The following TASP1 variants were observed in gnomAD, a reference collection of about 807,000 sequenced individuals.
TASP1 encodes the protein taspase 1, also known as threonine aspartase 1.
TASP1 carries 16 observed loss-of-function variants against 56.6 expected under a neutral mutation model. The observed-to-expected ratio is 0.28, with a 90% CI of 0.19 to 0.43. TASP1 has a LOEUF of 0.43. TASP1 is among the 20% of genes least tolerant of loss of function. The pLI is 1.00. For missense variants in TASP1, 393 were observed against 511.6 expected (o/e 0.77, Z 2.24); for synonymous variants, 179 against 184.2 (o/e 0.97, Z 0.23).
chr20:13,299,368 A>T, the TASP1 span: 1 of 1,613,840 alleles, frequency 6.2e-7, no homozygotes. The surrounding 1 kb of genome is among the most constrained non-coding windows in gnomAD (Gnocchi z 5.8). Flanking sequence ...AGGTATAACG[A>T]GGCCCGGCCT....
At chr20:13,519,920 A>G (rs1417284636) in intron 10 of TASP1, among the ~76,000 whole-genome samples, 2 of 152,228 alleles carry the variant, frequency 1.3e-5, no homozygotes, top group African/African-American at 4.8e-5. Context: ...CAACTTCAGC[A>G]AAGTCTCAGG....
At chr20:13,432,541 T>A (rs923681339) in intron 12 of TASP1, among the ~76,000 whole-genome samples, 2 of 152,234 alleles carry the variant, frequency 1.3e-5, no homozygotes, top group African/African-American at 4.8e-5. Flanking sequence ...AAAGTTCACA[T>A]AATTGGTAGC....
chr20:13,572,685 C>A (rs1270702910), intron 6 of TASP1, among the ~76,000 whole-genome samples: 753 of 83,604 alleles, frequency 9.0e-3, no homozygotes, highest in South Asian at 0.025. Flanking sequence ...GACTCCATCT[C>A]AAAAAAAAAA....
At chr20:13,112,047 T>C in the TASP1 span, among the ~76,000 whole-genome samples, 4 of 152,204 alleles carry the variant, frequency 2.6e-5, no homozygotes, top group Admixed American at 2.0e-4. Flanking sequence ...GCACTAGCAA[T>C]AGTGACTGCT....
the TASP1 span, among the ~76,000 whole-genome samples, chr20:13,316,504 A>G: frequency 6.6e-6 from 1 of 151,932 alleles, no homozygotes; most frequent in Non-Finnish European, 1.5e-5. Flanking sequence ...GTACTGACCA[A>G]CATATCTCAT....
At chr20:13,410,970 T>C (rs1423007459) in intron 13 of TASP1, among the ~76,000 whole-genome samples, 1 of 152,194 alleles carries the variant, frequency 6.6e-6, no homozygotes, top group Non-Finnish European at 1.5e-5. Flanking sequence ...GGGCCTTACA[T>C]TTAAGATTTT....
chr20:13,540,042 TC>T (rs2045564674), intron 8 of TASP1, among the ~76,000 whole-genome samples: 1 of 152,210 alleles, frequency 6.6e-6, no homozygotes, highest in African/African-American at 2.4e-5. Flanking sequence ...CAGCTTTAAA[TC>T]ATTTCTATTC....
chr20:13,346,607 T>A, the TASP1 span, among the ~76,000 whole-genome samples: 1 of 152,166 alleles, frequency 6.6e-6, no homozygotes, highest in Admixed American at 6.5e-5. Flanking sequence ...CATCCAGCGA[T>A]GGAAGGGGAG....
chr20:13,483,712 T>G (rs1406979788), intron 10 of TASP1, among the ~76,000 whole-genome samples: 3 of 152,150 alleles, frequency 2.0e-5, no homozygotes, highest in Admixed American at 1.3e-4. Flanking sequence ...TACCATCAGT[T>G]CATAAAAGTG....
chr20:13,543,096 A>G (rs1457574339), intron 8 of TASP1, among the ~76,000 whole-genome samples: 1 of 152,158 alleles, frequency 6.6e-6, no homozygotes, highest in African/African-American at 2.4e-5. Context: ...GTATCACCTA[A>G]ATCTCAGCAA....
chr20:13,558,717 A>C (rs185804543), intron 8 of TASP1, among the ~76,000 whole-genome samples: 3 of 152,236 alleles, frequency 2.0e-5, no homozygotes, highest in Admixed American at 6.5e-5. Flanking sequence ...GATAATGTAA[A>C]ATAGCTCATT....
chr20:13,445,602 C>T (rs2043381078), intron 11 of TASP1, among the ~76,000 whole-genome samples: 1 of 152,056 alleles, frequency 6.6e-6, no homozygotes, highest in Non-Finnish European at 1.5e-5. Flanking sequence ...GAGGGGAAGC[C>T]AAATGGCCTA....
intron 10 of TASP1, among the ~76,000 whole-genome samples, chr20:13,525,086 C>T (rs1410669477): frequency 1.3e-5 from 2 of 152,082 alleles, no homozygotes; most frequent in African/African-American, 4.8e-5. Context: ...GTGTGTTATA[C>T]TTTAATTGAC....
At chr20:13,356,064 T>A in the TASP1 span, among the ~76,000 whole-genome samples, 1 of 152,220 alleles carries the variant, frequency 6.6e-6, no homozygotes, top group African/African-American at 2.4e-5. Flanking sequence ...TCACTCTTTA[T>A]TCCCACTGGA....
At chr20:13,398,331 C>T (rs2041619140) in intron 13 of TASP1, among the ~76,000 whole-genome samples, 2 of 152,074 alleles carry the variant, frequency 1.3e-5, no homozygotes, top group South Asian at 4.2e-4. Context: ...AGCAGCATTT[C>T]TCAAGCTGAC....
intron 11 of TASP1, among the ~76,000 whole-genome samples, chr20:13,473,551 G>A (rs1168728289): frequency 1.3e-5 from 2 of 151,976 alleles, no homozygotes; most frequent in Non-Finnish European, 2.9e-5. Flanking sequence ...ACTACATTAA[G>A]AAAAATTGCT....
In TASP1 at chr20:13,622,444, T is replaced by C. The variant is rs145961357; in HGVS notation, c.282+1002A>G. On this transcript the variant is annotated intron_variant, in intron 4 of 13. Transcript: ENST00000337743. ...TTCCTTGACTACATTAGGACCAATC[T>C]GAGAAATTAAAATCTACAAAGCATG... Among the ~76,000 whole-genome samples the C allele has an allele frequency of 1.1e-3, 162 of 152,292 alleles. 1 individual carries two copies. The highest frequency in any genetic ancestry group is 3.5e-3 in the African/African-American group (145 of 41,556).
chr20:13,578,211 T>G (rs1199016704), intron 6 of TASP1, among the ~76,000 whole-genome samples: 1 of 152,174 alleles, frequency 6.6e-6, no homozygotes, highest in African/African-American at 2.4e-5. Context: ...TCATCTTTTT[T>G]TTTTTTACTA....
chr20:13,551,980 C>A (rs1231906340), intron 8 of TASP1, among the ~76,000 whole-genome samples: 3 of 152,182 alleles, frequency 2.0e-5, no homozygotes, highest in East Asian at 3.8e-4. Context: ...CAGGAACATG[C>A]TGAACTTTAC....
Sources: gnomAD v4.1 joint callset for allele counts (sites outside exome capture counted in the v4.1 genomes callset) on GRCh38, gnomAD v4.1.1 for gene constraint, Gnocchi (gnomAD v3.1) non-coding constraint, MANE v1.5 for transcripts, NCBI Gene and HGNC (gene_info 2026-07-23, HGNC 2026-07-21) for gene names.